Variants in OLAH observed in about 807,000 individuals in gnomAD.
The protein encoded by OLAH is S-acyl fatty acid synthase thioesterase, medium chain.
Under a neutral mutation model 27.8 loss-of-function variants are expected in OLAH, and 33 were observed. The observed-to-expected ratio is 1.19, with a 90% confidence interval of 0.90 to 1.59. The LOEUF is 1.59. Ranked by LOEUF, OLAH falls within the 40% of genes most tolerant of loss-of-function variation. The probability of loss-of-function intolerance (pLI) is 0.00; values close to 1 mark genes in which losing one functional copy is unlikely to be tolerated. For synonymous variants in OLAH, 120 were observed against 102.9 expected, an observed-to-expected ratio of 1.17 and a Z score of -1.01; for missense variants, 359 against 310.8, an observed-to-expected ratio of 1.16 and a Z score of -1.17.
At chr10:15,052,012 G>T (rs946758440) in intron 3 of OLAH, among the ~76,000 whole-genome samples, 9 of 152,192 alleles carry the variant, frequency 5.9e-5, no homozygotes, top group African/African-American at 9.7e-5. Flanking sequence ...GCTGGGCATG[G>T]TGGCTCACGC....
intron 6 of OLAH, among the ~76,000 whole-genome samples, chr10:15,068,256 G>A (rs1349195060): frequency 6.6e-6 from 1 of 152,088 alleles, no homozygotes; most frequent in Non-Finnish European, 1.5e-5. Context: ...TAAATCTGTT[G>A]ATAAATTAAT....
intron 1 of OLAH, among the ~76,000 whole-genome samples, chr10:15,038,251 T>C (rs1033082347): frequency 5.9e-5 from 9 of 152,224 alleles, no homozygotes; most frequent in Admixed American, 4.6e-4. Flanking sequence ...TACAGGCTGA[T>C]AGGCGGAAGG....
At chr10:15,061,975 C>A in intron 4 of OLAH, 113 bp downstream of exon 4, 1 of 929,218 alleles carries the variant, frequency 1.1e-6, no homozygotes, top group Non-Finnish European at 1.6e-6. Flanking sequence ...GGTTAGACAG[C>A]ATGTTAGGTA....
chr10:15,049,298 TA>T (rs1300987967), intron 2 of OLAH, among the ~76,000 whole-genome samples: 1 of 151,994 alleles, frequency 6.6e-6, no homozygotes, highest in Non-Finnish European at 1.5e-5. Flanking sequence ...TATGCCAACC[TA>T]ACTTTTAAAT....
chr10:15,070,780 C>CTTT (rs71390010), intron 6 of OLAH, among the ~76,000 whole-genome samples: 16 of 99,930 alleles, frequency 1.6e-4, no homozygotes, highest in African/African-American at 2.1e-4. Flanking sequence ...CACGCCTGAA[C>CTTT]TTTTTTTTTT....
intron 3 of OLAH, among the ~76,000 whole-genome samples, chr10:15,061,480 G>GTT (rs763221508): frequency 5.6e-5 from 8 of 143,772 alleles, no homozygotes; most frequent in East Asian, 4.1e-4. Context: ...CAGTTCCTTT[G>GTT]TTTTTTTTTT....
intron 1 of OLAH, among the ~76,000 whole-genome samples, chr10:15,035,167 G>A (rs1363881040): frequency 1.3e-5 from 2 of 152,086 alleles, no homozygotes; most frequent in African/African-American, 2.4e-5. Flanking sequence ...TTGGGGAGAG[G>A]CATTCTAGGA....
At position 15,065,880 on chromosome 10, in the gene OLAH, T is replaced by C. The variant is rs576343017; in HGVS notation, c.572+127T>C. ...TCTAAGAGTTTGGTTTCATTTCCTT[T>C]GGGGCCACCTATGGTATGTATACTG... is the stretch of plus-strand genomic sequence containing the variant. On this transcript the variant is annotated intron_variant, in intron 6 of 7. Transcript: ENST00000378228. The C allele has an allele frequency of 8.7e-5, 67 of 767,180 alleles. 2 individuals are homozygous for C. In the South Asian group the frequency reaches 9.5e-4, roughly 11 times the overall value. 47.5% of individuals were successfully genotyped at this position (767,180 alleles called of 1,614,324 possible).
intron 2 of OLAH, among the ~76,000 whole-genome samples, chr10:15,049,360 C>T (rs1186659098): frequency 6.6e-6 from 1 of 152,036 alleles, no homozygotes; most frequent in Non-Finnish European, 1.5e-5. Flanking sequence ...CTTCAAACTC[C>T]TGGTTGCAAG....
At chr10:15,054,645 C>G (rs1242933558) in intron 3 of OLAH, among the ~76,000 whole-genome samples, 1 of 152,088 alleles carries the variant, frequency 6.6e-6, no homozygotes, top group East Asian at 1.9e-4. Context: ...TCCATGACTA[C>G]TACTTTGTTT....
chr10:15,044,540 T>G (rs1441047370), intron 1 of OLAH, among the ~76,000 whole-genome samples: 1 of 152,018 alleles, frequency 6.6e-6, no homozygotes, highest in South Asian at 2.1e-4. Context: ...CTACTGTCTT[T>G]TTCATTCCTC....
intron 6 of OLAH, 48 bp downstream of exon 6, chr10:15,065,801 T>C (rs766418032): frequency 2.6e-6 from 4 of 1,514,096 alleles, no homozygotes; most frequent in Non-Finnish European, 2.7e-6. Context: ...CAATTATTTG[T>C]AGAAAAACAT....
intron 6 of OLAH, among the ~76,000 whole-genome samples, chr10:15,067,420 T>C (rs1844490610): frequency 6.6e-6 from 1 of 152,164 alleles, no homozygotes; most frequent in East Asian, 1.9e-4. Flanking sequence ...GAGAATTAAC[T>C]GCTTGGTAGA....
intron 1 of OLAH, among the ~76,000 whole-genome samples, chr10:15,034,308 T>C (rs1054690675): frequency 6.6e-6 from 1 of 152,000 alleles, no homozygotes. Context: ...AATTTTTGTA[T>C]TTTTAGTAGA....
intron 1 of OLAH, among the ~76,000 whole-genome samples, chr10:15,046,738 T>C (rs1844025926): frequency 6.6e-6 from 1 of 152,160 alleles, no homozygotes; most frequent in Non-Finnish European, 1.5e-5. Flanking sequence ...AGCCACTTTC[T>C]TGAGATTTAA....
At position 15,073,769 on chromosome 10, in the gene OLAH, A is replaced by G. The variant is rs915839284; in HGVS notation, c.*540A>G. 1.3e-5 allele frequency: 2 copies of G among 152,020 alleles called. No individual in the cohort carries two copies. The highest frequency in any genetic ancestry group is 2.9e-5 in the Non-Finnish European group (2 of 68,012). The allele number at this position is 152,020 out of a possible 1,614,324, so 9.4% of individuals were successfully genotyped here. On this transcript the variant is annotated 3_prime_UTR_variant, in exon 8 of 8. Coordinates refer to ENST00000378228, the MANE Select transcript of OLAH (RefSeq NM_001039702.3). Reference sequence around the variant, plus strand: ...TGTCGACAAAATTCATGATTAGTAAATTATCCATTTTTTCCTTCAGTTAGT... The same window carrying G: ...TGTCGACAAAATTCATGATTAGTAAGTTATCCATTTTTTCCTTCAGTTAGT...
intron 1 of OLAH, among the ~76,000 whole-genome samples, chr10:15,034,141 T>G (rs1589232526): frequency 1.4e-5 from 2 of 139,504 alleles, no homozygotes; most frequent in Non-Finnish European, 1.5e-5. Flanking sequence ...TGAGACGGAG[T>G]CTCGCTCTGT....
At position 15,070,147 on chromosome 10, in the gene OLAH, GTT is replaced by G. The variant is rs58944519; in HGVS notation, c.573-1635_573-1634del. ...CAAGTCATGATGCTGCAGTTTCTCT[GTT>G]TTTTTTTTTTTTCCTCTCATTGTTA... On this transcript the variant is annotated intron_variant, in intron 6 of 7. Coordinates refer to ENST00000378228, the MANE Select transcript of OLAH (RefSeq NM_001039702.3). Among the ~76,000 whole-genome samples the G allele has an allele frequency of 1.5e-3, 220 of 144,678 alleles. 1 individual carries two copies. Among genetic ancestry groups the G allele is most frequent in the African/African-American group, 3.8e-3 (150 of 39,130 alleles). 94.9% of individuals were successfully genotyped at this position (144,678 alleles called of 152,430 possible).
upstream of OLAH, among the ~76,000 whole-genome samples, chr10:15,039,967 C>T (rs1241079707): frequency 6.6e-6 from 1 of 152,216 alleles, no homozygotes; most frequent in Non-Finnish European, 1.5e-5. Flanking sequence ...ACAGTTCCCA[C>T]AAAAGCCTGT....
Sources: allele counts gnomAD v4.1 joint callset (sites outside exome capture counted in the v4.1 genomes callset), GRCh38; gene constraint gnomAD v4.1.1; transcripts MANE v1.5; gene names NCBI Gene and HGNC (gene_info 2026-07-23, HGNC 2026-07-21).